The following MACROD2 variants were observed in gnomAD, a reference collection of about 807,000 sequenced individuals.
MACROD2 encodes mono-ADP ribosylhydrolase 2.
A neutral mutation model predicts 70.4 loss-of-function variants in MACROD2; 36 were observed. The observed-to-expected ratio is 0.51, with a 90% CI of 0.39 to 0.68. MACROD2 has a LOEUF of 0.68. Among genes scored for constraint, MACROD2 ranks in the 30% least tolerant of loss-of-function variants. The pLI, the probability that MACROD2 is intolerant of heterozygous loss-of-function variation, is 0.00. For missense variants in MACROD2, 496 were observed against 538.4 expected (o/e 0.92, Z 0.78); for synonymous variants, 172 against 178.8 (o/e 0.96, Z 0.30).
chr20:15,752,972 G>A (rs992973628), intron 8 of MACROD2, among the ~76,000 whole-genome samples: 5 of 152,104 alleles, frequency 3.3e-5, no homozygotes, highest in African/African-American at 1.2e-4. Context: ...ATTTATATAT[G>A]TATGTATATG....
chr20:14,203,353 T>C (rs953236129), intron 3 of MACROD2, among the ~76,000 whole-genome samples: 1 of 152,186 alleles, frequency 6.6e-6, no homozygotes, highest in African/African-American at 2.4e-5. Context: ...TTTAACATCA[T>C]TATTTTGAAT....
At chr20:14,646,274 G>C (rs1451195496) in intron 4 of MACROD2, among the ~76,000 whole-genome samples, 1 of 151,114 alleles carries the variant, frequency 6.6e-6, no homozygotes, top group Non-Finnish European at 1.5e-5. Flanking sequence ...AGTGCAGAGT[G>C]TCAAATATTG....
intron 6 of MACROD2, among the ~76,000 whole-genome samples, chr20:15,359,519 TTTC>T (rs1182718544): frequency 3.3e-5 from 5 of 151,486 alleles, no homozygotes; most frequent in Non-Finnish European, 7.4e-5. Context: ...TACACAATAA[TTTC>T]TTAATTTATT....
chr20:14,128,208 T>C, intron 3 of MACROD2: 1 of 376,866 alleles, frequency 2.7e-6, no homozygotes, highest in Non-Finnish European at 5.2e-6. Context: ...CTAAGAAGAT[T>C]TGGGAGCAGA....
chr20:15,101,357 A>T (rs113655549), intron 5 of MACROD2, among the ~76,000 whole-genome samples: 1 of 151,950 alleles, frequency 6.6e-6, no homozygotes, highest in African/African-American at 2.4e-5. Flanking sequence ...AGTTTAGTTT[A>T]GTTCATCTGC....
chr20:14,906,306 C>T (rs1746428569), intron 5 of MACROD2, among the ~76,000 whole-genome samples: 1 of 152,080 alleles, frequency 6.6e-6, no homozygotes, highest in Non-Finnish European at 1.5e-5. Context: ...CCAGCCTGGC[C>T]AATATGGCAA....
intron 6 of MACROD2, among the ~76,000 whole-genome samples, chr20:15,251,886 A>G (rs1442128630): frequency 3.3e-5 from 5 of 152,226 alleles, no homozygotes; most frequent in East Asian, 1.9e-4. Context: ...TTTGAAGTTG[A>G]TAAGCCCCAT....
At chr20:15,093,246 A>G (rs985388156) in intron 5 of MACROD2, among the ~76,000 whole-genome samples, 1 of 152,100 alleles carries the variant, frequency 6.6e-6, no homozygotes, top group Admixed American at 6.5e-5. Flanking sequence ...GGTCCCAGGT[A>G]TATCTGGATG....
chr20:14,129,659 C>T (rs868522459), intron 3 of MACROD2, among the ~76,000 whole-genome samples: 6 of 152,040 alleles, frequency 3.9e-5, no homozygotes, highest in South Asian at 2.1e-4. Flanking sequence ...AGAAGTAAAT[C>T]GATGTTTTAA....
chr20:14,500,148 C>T (rs1445310350), intron 4 of MACROD2, among the ~76,000 whole-genome samples: 1 of 152,192 alleles, frequency 6.6e-6, no homozygotes, highest in Non-Finnish European at 1.5e-5. Context: ...TCTTGCTCTG[C>T]CATCTCCTCA....
At chr20:15,402,408 G>A (rs1163861225) in intron 6 of MACROD2, among the ~76,000 whole-genome samples, 1 of 152,136 alleles carries the variant, frequency 6.6e-6, no homozygotes, top group East Asian at 1.9e-4. Context: ...GCATAATTGA[G>A]AACTATAAAT....
At chr20:14,515,471 A>ACGCGCG (rs1182346144) in intron 4 of MACROD2, among the ~76,000 whole-genome samples, 15 of 99,872 alleles carry the variant, frequency 1.5e-4, no homozygotes, top group African/African-American at 5.3e-4. Flanking sequence ...ACACGCACAC[A>ACGCGCG]CACACACACA....
At chr20:15,163,426 TTAG>T (rs1301627200) in intron 5 of MACROD2, among the ~76,000 whole-genome samples, 1 of 152,078 alleles carries the variant, frequency 6.6e-6, no homozygotes, top group African/African-American at 2.4e-5. Flanking sequence ...GTCTATAATT[TTAG>T]TAGGAGATTT....
intron 3 of MACROD2, among the ~76,000 whole-genome samples, chr20:14,115,962 A>G (rs377445933): frequency 7.9e-5 from 12 of 152,316 alleles, no homozygotes; most frequent in African/African-American, 2.9e-4. Context: ...GAGATATTAG[A>G]TGTGTAAATA....
intron 8 of MACROD2, among the ~76,000 whole-genome samples, chr20:15,525,085 C>T (rs2047704334): frequency 6.6e-6 from 1 of 152,202 alleles, no homozygotes; most frequent in Non-Finnish European, 1.5e-5. Context: ...TTCCATTAGT[C>T]CAAAAATATC....
intron 8 of MACROD2, among the ~76,000 whole-genome samples, chr20:15,821,065 C>A (rs2063933511): frequency 6.6e-6 from 1 of 152,130 alleles, no homozygotes; most frequent in African/African-American, 2.4e-5. Flanking sequence ...CTGCAAATAT[C>A]TTCTCTGTGG....
chr20:14,723,425 G>A (rs182431541), intron 5 of MACROD2, among the ~76,000 whole-genome samples: 1 of 151,936 alleles, frequency 6.6e-6, no homozygotes, highest in African/African-American at 2.4e-5. Flanking sequence ...TGGCAGGAGA[G>A]CTAATATTCC....
chr20:15,121,927 C>CA (rs2076033841), intron 5 of MACROD2, among the ~76,000 whole-genome samples: 1 of 151,992 alleles, frequency 6.6e-6, no homozygotes, highest in South Asian at 2.1e-4. Context: ...GTTTTCCTTA[C>CA]AAAGAAGAAA....
intron 8 of MACROD2, among the ~76,000 whole-genome samples, chr20:15,641,154 T>TG (rs1444963232): frequency 1.3e-5 from 2 of 152,248 alleles, no homozygotes; most frequent in Admixed American, 1.3e-4. Flanking sequence ...TTCTAAAAGT[T>TG]GCATTGCTTC....
Sources: allele counts gnomAD v4.1 joint callset (sites outside exome capture counted in the v4.1 genomes callset), GRCh38; gene constraint gnomAD v4.1.1; transcripts MANE v1.5; gene names NCBI Gene and HGNC (gene_info 2026-07-23, HGNC 2026-07-21).